ATRIP: variants seen among roughly 807,000 people sequenced by gnomAD.
The protein encoded by ATRIP is ATR interacting protein.
Under a neutral mutation model 78.1 loss-of-function variants are expected in ATRIP, and 44 were observed. That is an observed-to-expected ratio of 0.56 (90% confidence interval 0.44 to 0.72). ATRIP has a LOEUF of 0.72. Ranked by LOEUF, ATRIP falls within the 30% of genes least tolerant of loss-of-function variation. The pLI is 0.00. For synonymous variants in ATRIP, 388 were observed against 408.9 expected (o/e 0.95, Z 0.62); for missense variants, 927 against 980.2 (o/e 0.95, Z 0.72).
chr3:48,461,929 T>C (rs1575285059), intron 8 of ATRIP, among the ~76,000 whole-genome samples: 1 of 152,080 alleles, frequency 6.6e-6, no homozygotes, highest in African/African-American at 2.4e-5. Flanking sequence ...TTGTCTCAAA[T>C]GCCGGACCTC....
In ATRIP at chr3:48,466,920, A is replaced by G. The variant is rs763573583; in HGVS notation, c.*1366A>G. ...AGCCAGCGAGATCACAGGTCTGAGC[A>G]CAGCTGTGCTGGCAGCGCATGGGCG... On this transcript the variant is annotated 3_prime_UTR_variant, in exon 13 of 13. Transcript: ENST00000320211. 1 of 1,611,722 alleles carries G rather than the reference A, an allele frequency of 6.2e-7. No homozygotes were observed. The highest frequency in any genetic ancestry group is 8.5e-7 in the Non-Finnish European group (1 of 1,180,022).
chr3:48,454,274 A>G (rs1360757370), intron 3 of ATRIP, 26 bp from the exon 4 acceptor site: 1 of 1,425,982 alleles, frequency 7.0e-7, no homozygotes, highest in Non-Finnish European at 9.9e-7. Context: ...TGGGACCACT[A>G]CAAGCATGTT....
rs750213757 is a variant in ATRIP at position 48,460,664 on chromosome 3, C to T, written c.1610C>T (p.Pro537Leu). ...GTTGCTGATGACCAAGGACAGCACC[C>T]ACTGTTGAAGATGCTTCTTCACCTG... is the stretch of plus-strand genomic sequence containing the variant. ...RGVADDQGQH[P>L]LLKMLLHLLA... is the part of the protein sequence containing the mutation. Residue 537 changes from proline (P) to leucine (L), a missense_variant, in exon 8 of 13, where the codon CCA becomes CTA. Physicochemically the swap from Pro to Leu is moderately conservative, Grantham distance 98. Transcript: ENST00000320211. 6.2e-7 allele frequency: 1 copy of T among 1,614,180 alleles called. No individual in the cohort carries two copies. Among genetic ancestry groups the T allele is most frequent in the Non-Finnish European group, 8.5e-7 (1 of 1,179,988 alleles).
At chr3:48,459,545 G>A (rs928251037) in intron 6 of ATRIP, 91 bp downstream of exon 6, 56 of 1,350,806 alleles carry the variant, frequency 4.1e-5, no homozygotes, top group African/African-American at 7.3e-5. Flanking sequence ...CCGGTGCCCC[G>A]GGCAGTCCTT....
In ATRIP at chr3:48,447,622, A is replaced by G. The variant is rs1330341578; in HGVS notation, c.247+530A>G. On this transcript the variant is annotated intron_variant, in intron 1 of 12. Transcript: ENST00000320211. ...GCTGACCTTACAATGAACAAAATAC[A>G]AAAACTGTCCTTCATGGAGCTTACA... is the stretch of plus-strand genomic sequence containing the variant. The G allele has an allele frequency of 8.6e-6, 7 of 811,962 alleles. No individual in the cohort carries two copies. In the East Asian group the frequency reaches 8.8e-4, roughly 102 times the overall value. The allele number at this position is 811,962 out of a possible 1,614,324, so 50.3% of individuals were successfully genotyped here.
intron 1 of ATRIP, among the ~76,000 whole-genome samples, chr3:48,449,623 A>G (rs2039780217): frequency 6.6e-6 from 1 of 151,692 alleles, no homozygotes; most frequent in Non-Finnish European, 1.5e-5. Context: ...AATCTCTACA[A>G]AGAATTTTAA....
At chr3:48,460,857 C>G (rs1455939764) in intron 8 of ATRIP, 58 bp downstream of exon 8, 4 of 1,465,806 alleles carry the variant, frequency 2.7e-6, no homozygotes, top group Admixed American at 2.0e-5. Flanking sequence ...CTCTTAAGGT[C>G]TAACCCATGG....
At chr3:48,465,283 G>T (rs764333553) in intron 12 of ATRIP, among the ~76,000 whole-genome samples, 200 bp downstream of exon 12, 3 of 152,244 alleles carry the variant, frequency 2.0e-5, no homozygotes, top group Non-Finnish European at 4.4e-5. Flanking sequence ...TCTGTTGAGT[G>T]TGCCTGGCAG....
intron 1 of ATRIP, among the ~76,000 whole-genome samples, chr3:48,448,483 GAACACCCCTA>G (rs1410433057): frequency 4.6e-5 from 7 of 152,274 alleles, no homozygotes; most frequent in Admixed American, 3.9e-4. Flanking sequence ...ACCCAGCCAT[GAACACCCCTA>G]ATGAAAGCCC....
At chr3:48,459,984 C>T (rs1560106244) in intron 7 of ATRIP, 68 bp downstream of exon 7, 1 of 1,566,114 alleles carries the variant, frequency 6.4e-7, no homozygotes, top group East Asian at 2.2e-5. Flanking sequence ...CTTTCTGGCC[C>T]TGGCCAGCCT....
rs1287993511 is a variant in ATRIP at position 48,464,045 on chromosome 3, C to T, written c.1887C>T (p.Gly629=). The T allele has an allele frequency of 6.2e-7, 1 of 1,613,524 alleles. No individual in the cohort carries two copies. Among genetic ancestry groups the T allele is most frequent in the South Asian group, 1.1e-5 (1 of 91,072 alleles). The change falls in exon 10 of 13, where the codon GGC becomes GGT. Residue 629 remains glycine (G), a synonymous_variant. Transcript: ENST00000320211. ...GAGGTGCGCTGTCCTTTTCAGAAGG[C>T]TGCCTCCTGCTGCTGCTGTACATGT... ...LAPQLCSHSE[G]CLLLLLYMYI...
At chr3:48,454,056 C>T (rs772741074) in intron 3 of ATRIP, among the ~76,000 whole-genome samples, 1 of 152,164 alleles carries the variant, frequency 6.6e-6, no homozygotes. Flanking sequence ...CCACCACACC[C>T]GGCCAGGGCT....
At chr3:48,458,640 C>T (rs1263263764) in intron 5 of ATRIP, among the ~76,000 whole-genome samples, 1 of 152,134 alleles carries the variant, frequency 6.6e-6, no homozygotes, top group Non-Finnish European at 1.5e-5. Context: ...TTTTGTAGTC[C>T]AGCTTTTGAG....
At chr3:48,455,696 C>T (rs963511612) in intron 4 of ATRIP, among the ~76,000 whole-genome samples, 8 of 151,806 alleles carry the variant, frequency 5.3e-5, no homozygotes, top group African/African-American at 1.9e-4. Context: ...TGGGATTTCA[C>T]CATGTTGGCC....
intron 4 of ATRIP, 52 bp from the exon 5 acceptor site, chr3:48,457,207 T>G: frequency 1.4e-6 from 2 of 1,420,136 alleles, no homozygotes; most frequent in Non-Finnish European, 1.9e-6. Context: ...CCAGATATTT[T>G]GAATGGTTTT....
At chr3:48,452,211 G>A (rs73831576) in intron 3 of ATRIP, among the ~76,000 whole-genome samples, 19 of 152,348 alleles carry the variant, frequency 1.2e-4, no homozygotes, top group African/African-American at 4.3e-4. Flanking sequence ...TAGGCTAAAA[G>A]GAAACGTATT....
Position 48,446,740 on chromosome 3 carries a change from C to A in ATRIP, c.-106C>A. The A allele has an allele frequency of 7.7e-7, 1 of 1,300,908 alleles. No homozygotes were observed. The highest frequency in any genetic ancestry group is 9.8e-7 in the Non-Finnish European group (1 of 1,019,344). The allele number at this position is 1,300,908 out of a possible 1,614,324, so 80.6% of individuals were successfully genotyped here. On this transcript the variant is annotated 5_prime_UTR_variant, in exon 1 of 13. Coordinates refer to ENST00000320211, the MANE Select transcript of ATRIP (RefSeq NM_130384.3). The stretch of plus-strand genomic sequence containing the variant: ...GCCCCTGGGCCAGGGGCGGGGCACT[C>A]GCGGCGGAGGCAAGCGGCGGCGCGC...
chr3:48,448,755 A>G (rs552128017), intron 1 of ATRIP, among the ~76,000 whole-genome samples: 10 of 152,340 alleles, frequency 6.6e-5, no homozygotes, highest in African/African-American at 1.4e-4. Flanking sequence ...AGCTCCTTCA[A>G]GTCTTCCCTA....
At chr3:48,457,479 T>C in intron 5 of ATRIP, 63 bp downstream of exon 5, 2 of 1,268,348 alleles carry the variant, frequency 1.6e-6, no homozygotes, top group Non-Finnish European at 2.1e-6. Flanking sequence ...TTAAAACAAT[T>C]ATTATTTATT....
Sources: allele counts gnomAD v4.1 joint callset (sites outside exome capture counted in the v4.1 genomes callset), GRCh38; gene constraint gnomAD v4.1.1; transcripts MANE v1.5; gene names NCBI Gene and HGNC (gene_info 2026-07-23, HGNC 2026-07-21).